The following NTM variants were observed in gnomAD, a reference collection of about 807,000 sequenced individuals.
The protein encoded by NTM is neurotrimin, also known as IgLON family member 2.
Under a neutral mutation model 42.1 loss-of-function variants are expected in NTM, and 13 were observed. The observed-to-expected ratio is 0.31, with a 90% confidence interval of 0.20 to 0.49. The LOEUF (loss-of-function observed/expected upper bound fraction) is 0.49, where lower values mean the gene tolerates loss of function less well. NTM is among the 20% of genes least tolerant of loss of function. NTM has a pLI of 0.99. For synonymous variants in NTM, 187 were observed against 179.2 expected (o/e 1.04, Z -0.35); for missense variants, 373 against 452.8 (o/e 0.82, Z 1.60).
At chr11:132,051,449 G>A (rs2078840987) in intron 2 of NTM, among the ~76,000 whole-genome samples, 1 of 152,214 alleles carries the variant, frequency 6.6e-6, no homozygotes, top group Admixed American at 6.5e-5. Flanking sequence ...TTCACTCCGT[G>A]TGGGTTCTGG....
chr11:132,248,414 T>G (rs1282894574), intron 4 of NTM, among the ~76,000 whole-genome samples: 1 of 152,074 alleles, frequency 6.6e-6, no homozygotes, highest in Non-Finnish European at 1.5e-5. Flanking sequence ...TTCTCTTTCT[T>G]CTCCCCTTGC....
At chr11:131,959,945 T>G (rs1051202049) in intron 2 of NTM, among the ~76,000 whole-genome samples, 1 of 152,232 alleles carries the variant, frequency 6.6e-6, no homozygotes, top group African/African-American at 2.4e-5. Context: ...GAGGCATGAA[T>G]GCAGGTACAA....
rs942998423 is a variant in NTM, at chr11:131,726,401, A to C, written c.83-185163A>C. ...TCCTCTGTCTCCTGGCCCCTCTCAC[A>C]CTTGGATTGCTGCCATCCTCTAATG... On this transcript the variant is annotated intron_variant, in intron 1 of 8. Coordinates refer to ENST00000683400, the MANE Select transcript of NTM (RefSeq NM_001352005.2). Among the ~76,000 whole-genome samples the C allele has an allele frequency of 2.8e-5, 4 of 144,800 alleles. 1 individual carries two copies. The highest frequency in any genetic ancestry group is 1.2e-4 in the African/African-American group (4 of 34,656). 95.0% of individuals were successfully genotyped at this position (144,800 alleles called of 152,430 possible). A position where few individuals can be genotyped will look rare whatever the true frequency, so the allele number is the denominator to read the frequency against.
chr11:131,964,780 T>A (rs1444801190), intron 2 of NTM, among the ~76,000 whole-genome samples: 1 of 152,158 alleles, frequency 6.6e-6, no homozygotes, highest in African/African-American at 2.4e-5. Context: ...CCATGCTCAT[T>A]CCACATTTTA....
chr11:131,662,790 G>A (rs572126835), intron 1 of NTM, among the ~76,000 whole-genome samples: 3 of 152,258 alleles, frequency 2.0e-5, no homozygotes, highest in African/African-American at 7.2e-5. Context: ...GCTCCCTGTG[G>A]ACCTCAGAAC....
chr11:131,591,962 C>G (rs1456377104), intron 1 of NTM, among the ~76,000 whole-genome samples: 1 of 152,220 alleles, frequency 6.6e-6, no homozygotes, highest in African/African-American at 2.4e-5. Flanking sequence ...CATCCCACAG[C>G]CTCACCTGCT....
chr11:131,813,695 A>G (rs1356211699), intron 1 of NTM, among the ~76,000 whole-genome samples: 1 of 152,234 alleles, frequency 6.6e-6, no homozygotes, highest in Non-Finnish European at 1.5e-5. Flanking sequence ...TAATTATTAG[A>G]TACATTCAGC....
chr11:132,220,336 T>C (rs1337626839), intron 4 of NTM, among the ~76,000 whole-genome samples: 2 of 152,222 alleles, frequency 1.3e-5, no homozygotes, highest in Admixed American at 6.5e-5. Flanking sequence ...TATAGATCAC[T>C]CTTTAACTCT....
At chr11:131,590,799 T>C (rs1206415120) in intron 1 of NTM, among the ~76,000 whole-genome samples, 1 of 152,158 alleles carries the variant, frequency 6.6e-6, no homozygotes, top group Admixed American at 6.5e-5. Flanking sequence ...CTGTACTGTA[T>C]AAATGGCCGA....
At chr11:131,708,452 G>A (rs2076801145) in intron 1 of NTM, among the ~76,000 whole-genome samples, 1 of 152,216 alleles carries the variant, frequency 6.6e-6, no homozygotes, top group Non-Finnish European at 1.5e-5. Context: ...CATTAGAGAT[G>A]TAAGACAAAA....
chr11:131,597,202 A>G (rs1304019730), intron 1 of NTM, among the ~76,000 whole-genome samples: 1 of 152,158 alleles, frequency 6.6e-6, no homozygotes, highest in East Asian at 1.9e-4. Flanking sequence ...AGCGTTAACC[A>G]TCACACTCAG....
chr11:132,292,093 T>C (rs527939608), intron 4 of NTM, among the ~76,000 whole-genome samples: 18 of 152,168 alleles, frequency 1.2e-4, no homozygotes, highest in East Asian at 3.9e-4. Flanking sequence ...CAGGTGAAGA[T>C]TGAGGAGAAA....
At chr11:132,070,641 C>G (rs2057438058) in intron 2 of NTM, among the ~76,000 whole-genome samples, 1 of 133,938 alleles carries the variant, frequency 7.5e-6, no homozygotes, top group South Asian at 2.8e-4. Flanking sequence ...ACACGTCAAA[C>G]TGACCACCAC....
At chr11:132,026,700 C>T (rs184273141) in intron 2 of NTM, among the ~76,000 whole-genome samples, 3 of 152,146 alleles carry the variant, frequency 2.0e-5, no homozygotes, top group African/African-American at 4.8e-5. Context: ...ATTATTTTTG[C>T]TGTGGTTTTG....
intron 2 of NTM, among the ~76,000 whole-genome samples, chr11:132,109,307 C>T (rs1013069527): frequency 1.3e-5 from 2 of 152,104 alleles, no homozygotes; most frequent in East Asian, 1.9e-4. Flanking sequence ...AACTAATTTA[C>T]ACTCCCACCA....
intron 3 of NTM, among the ~76,000 whole-genome samples, chr11:132,188,981 A>G (rs1221775607): frequency 1.3e-5 from 2 of 152,192 alleles, no homozygotes; most frequent in Non-Finnish European, 2.9e-5. Context: ...TGAGCATAAG[A>G]GCTTAATAAG....
At chr11:131,539,768 G>A (rs1244074060) in intron 1 of NTM, among the ~76,000 whole-genome samples, 1 of 152,202 alleles carries the variant, frequency 6.6e-6, no homozygotes, top group Non-Finnish European at 1.5e-5. Context: ...CATGGGAGTG[G>A]AGGTGAGACC....
chr11:132,068,913 G>T (rs530731377), intron 2 of NTM, among the ~76,000 whole-genome samples: 3 of 152,324 alleles, frequency 2.0e-5, no homozygotes, highest in African/African-American at 7.2e-5. Context: ...GATTATCCAG[G>T]ATCATCTCTT....
chr11:131,439,337 C>T (rs1949412090), intron 1 of NTM, among the ~76,000 whole-genome samples: 1 of 152,214 alleles, frequency 6.6e-6, no homozygotes, highest in East Asian at 1.9e-4. Flanking sequence ...CTGCTCTCTT[C>T]AGAGCTGTCA....
Sources: gnomAD v4.1 joint callset for allele counts (sites outside exome capture counted in the v4.1 genomes callset) on GRCh38, gnomAD v4.1.1 for gene constraint, MANE v1.5 for transcripts, NCBI Gene and HGNC (gene_info 2026-07-23, HGNC 2026-07-21) for gene names.